Variants in KCNJ10 observed in about 807,000 individuals in gnomAD.
KCNJ10 encodes the protein ATP-sensitive inward rectifier potassium channel 10.
Under a neutral mutation model 22.2 loss-of-function variants are expected in KCNJ10, and 9 were observed. The ratio of observed to expected loss-of-function variants is 0.40; its 90% CI spans 0.24 to 0.71. The LOEUF (loss-of-function observed/expected upper bound fraction) is 0.71. KCNJ10 is among the 30% of genes least tolerant of loss of function. The probability of loss-of-function intolerance (pLI) is 0.35; values close to 1 mark genes in which losing one functional copy is unlikely to be tolerated. For synonymous variants in KCNJ10, 184 were observed against 187.3 expected (o/e 0.98, Z 0.15); for missense variants, 337 against 482.7 (o/e 0.70, Z 2.83).
intron 1 of KCNJ10, among the ~76,000 whole-genome samples, chr1:160,066,307 A>AAGG (rs1649320692): frequency 6.6e-6 from 1 of 152,160 alleles, no homozygotes; most frequent in Non-Finnish European, 1.5e-5. Context: ...GGAATCAAGG[A>AAGG]AGGAAATGCA....
chr1:160,050,163 T>G (rs1648866716), intron 1 of KCNJ10, among the ~76,000 whole-genome samples: 2 of 152,146 alleles, frequency 1.3e-5, no homozygotes, highest in South Asian at 4.1e-4. Flanking sequence ...AAACTGGGTC[T>G]CACTCTGTCA....
Position 160,041,351 on chromosome 1 carries a change from G to A in KCNJ10, c.*42C>T, listed in dbSNP as rs1340947968. 6 of 1,585,732 alleles carry A rather than the reference G, an allele frequency of 3.8e-6. No individual in the cohort carries two copies. Among genetic ancestry groups the A allele is most frequent in the Admixed American group, 1.7e-5 (1 of 58,802 alleles). On this transcript the variant is annotated 3_prime_UTR_variant, in exon 2 of 2. Coordinates refer to ENST00000644903, the MANE Select transcript of KCNJ10 (RefSeq NM_002241.5). The surrounding 1 kb of genome is among the most constrained non-coding windows in gnomAD (Gnocchi z 4.4). ...TATTCCTTACCAGGGCATTGGAAGA[G>A]AGGAAAAGAGACCAGAGGAATGGGG...
chr1:160,059,133 G>C (rs920814223), intron 1 of KCNJ10, among the ~76,000 whole-genome samples: 1 of 152,158 alleles, frequency 6.6e-6, no homozygotes, highest in Non-Finnish European at 1.5e-5. Flanking sequence ...GACTTACATG[G>C]GTTAACTAAC....
At chr1:160,055,744 T>C (rs1649014179) in intron 1 of KCNJ10, among the ~76,000 whole-genome samples, 1 of 152,172 alleles carries the variant, frequency 6.6e-6, no homozygotes, top group Non-Finnish European at 1.5e-5. Context: ...ACCTCTGTGT[T>C]TACTTTGGAT....
chr1:160,049,920 A>G (rs1183639116), intron 1 of KCNJ10, among the ~76,000 whole-genome samples: 1 of 151,224 alleles, frequency 6.6e-6, no homozygotes, highest in African/African-American at 2.4e-5. Flanking sequence ...CTGGTCCAGC[A>G]CTTCTCACTC....
intron 1 of KCNJ10, among the ~76,000 whole-genome samples, chr1:160,060,225 TACTAGATACAGA>T (rs1557973435): frequency 6.6e-6 from 1 of 152,258 alleles, no homozygotes; most frequent in East Asian, 1.9e-4. Flanking sequence ...TGAGGACACT[TACTAGATACAGA>T]ACTAGATTCA....
At position 160,038,818 on chromosome 1, in the gene KCNJ10, G is replaced by A. The variant is rs748946171; in HGVS notation, c.*2575C>T. The A allele has an allele frequency of 6.6e-6, 1 of 152,158 alleles. No homozygotes were observed. Among genetic ancestry groups the A allele is most frequent in the Non-Finnish European group, 1.5e-5 (1 of 68,024 alleles). 9.4% of individuals were successfully genotyped at this position (152,158 alleles called of 1,614,324 possible). The stretch of plus-strand genomic sequence containing the variant: ...TTCATTGATTTCACTAGGTCCCTCA[G>A]CATCATTTCTTTCTCATCTTCTCAC... On this transcript the variant is annotated 3_prime_UTR_variant, in exon 2 of 2. Coordinates refer to ENST00000644903, the MANE Select transcript of KCNJ10 (RefSeq NM_002241.5).
At chr1:160,059,814 G>C (rs1649145363) in intron 1 of KCNJ10, among the ~76,000 whole-genome samples, 1 of 152,178 alleles carries the variant, frequency 6.6e-6, no homozygotes, top group South Asian at 2.1e-4. Context: ...GGTGACTAAA[G>C]GGGGACTTTT....
chr1:160,065,670 A>G (rs945237540), intron 1 of KCNJ10, among the ~76,000 whole-genome samples: 1 of 152,176 alleles, frequency 6.6e-6, no homozygotes, highest in African/African-American at 2.4e-5. Context: ...CCCCAGGATC[A>G]GGGTCTGAAG....
intron 1 of KCNJ10, among the ~76,000 whole-genome samples, chr1:160,057,547 G>T (rs1411830292): frequency 2.0e-5 from 3 of 152,202 alleles, no homozygotes; most frequent in Admixed American, 2.0e-4. Context: ...GCTGAGTAGA[G>T]CCAAGTTCCT....
chr1:160,047,159 C>T (rs907448529), intron 1 of KCNJ10, among the ~76,000 whole-genome samples: 11 of 152,212 alleles, frequency 7.2e-5, no homozygotes, highest in Admixed American at 3.3e-4. Flanking sequence ...ATTTGTTCTA[C>T]TTGAGAGTCA....
chr1:160,040,551 T>C lies in KCNJ10; in HGVS notation c.*842A>G. 2.5e-6 allele frequency: 1 copy of C among 398,690 alleles called. No individual in the cohort carries two copies. Among genetic ancestry groups the C allele is most frequent in the Non-Finnish European group, 4.4e-6 (1 of 226,136 alleles). 24.7% of individuals were successfully genotyped at this position (398,690 alleles called of 1,614,324 possible). A position where few individuals can be genotyped will look rare whatever the true frequency, so the allele number is the denominator to read the frequency against. On this transcript the variant is annotated 3_prime_UTR_variant, in exon 2 of 2. Transcript: ENST00000644903. ...ACTCTTTTCAAAGGAACATATTGGCTTGGGTCCTTCCATTCACAGGACACA... is the reference window on the plus strand; with the variant it reads ...ACTCTTTTCAAAGGAACATATTGGCCTGGGTCCTTCCATTCACAGGACACA...
In KCNJ10 at chr1:160,042,162, T is replaced by TA; in HGVS notation, c.370_371insT (p.Glu124ValfsTer15). ...GCCATAGCCAATGGTGGTTTGGGAT[T>TA]CAAGGGAGAAGAGGAAGGCTCCAGT... On this transcript the variant is annotated frameshift_variant, in exon 2 of 2. Transcript: ENST00000644903. LOFTEE classifies it high-confidence loss of function. The TA allele has an allele frequency of 6.3e-7, 1 of 1,591,532 alleles. No homozygotes were observed. Among genetic ancestry groups the TA allele is most frequent in the Non-Finnish European group, 8.6e-7 (1 of 1,166,434 alleles).
intron 1 of KCNJ10, among the ~76,000 whole-genome samples, chr1:160,067,246 T>C (rs1649342521): frequency 6.6e-6 from 1 of 152,150 alleles, no homozygotes; most frequent in Non-Finnish European, 1.5e-5. Context: ...ACAATCCCTT[T>C]CTCTTTGCCC....
chr1:160,043,272 AACACAC>A (rs779402094), intron 1 of KCNJ10, among the ~76,000 whole-genome samples: 9 of 132,644 alleles, frequency 6.8e-5, no homozygotes, highest in Admixed American at 1.5e-4. Context: ...TCCCCCTTAA[AACACAC>A]ACACACACAC....
chr1:160,068,327 G>A (rs903551343), intron 1 of KCNJ10, among the ~76,000 whole-genome samples: 4 of 151,570 alleles, frequency 2.6e-5, no homozygotes, highest in South Asian at 2.1e-4. Context: ...TTTGATATCC[G>A]CTGAGACAAC....
At chr1:160,057,979 G>A (rs1649082596) in intron 1 of KCNJ10, among the ~76,000 whole-genome samples, 1 of 152,080 alleles carries the variant, frequency 6.6e-6, no homozygotes, top group Admixed American at 6.5e-5. Context: ...CACCCCCAGG[G>A]CCAACTCCTG....
chr1:160,049,134 C>T (rs897449556), intron 1 of KCNJ10, among the ~76,000 whole-genome samples: 23 of 152,216 alleles, frequency 1.5e-4, no homozygotes, highest in South Asian at 2.1e-4. Context: ...AGATTCATGC[C>T]CAGGTCCCGT....
In KCNJ10 at chr1:160,040,661, G is replaced by A. The variant is rs1648579583; in HGVS notation, c.*732C>T. 1.8e-5 allele frequency: 7 copies of A among 399,046 alleles called. No homozygotes were observed. Among genetic ancestry groups the A allele is most frequent in the Non-Finnish European group, 3.1e-5 (7 of 226,574 alleles). 24.7% of individuals were successfully genotyped at this position (399,046 alleles called of 1,614,324 possible). A position where few individuals can be genotyped will look rare whatever the true frequency, so the allele number is the denominator to read the frequency against. On this transcript the variant is annotated 3_prime_UTR_variant, in exon 2 of 2. Transcript: ENST00000644903. ...TGTGTTAGTCACTCCAAATTGAAGA[G>A]TTCAGAATCCAGGATAGATATGGGT...
Sources: gnomAD v4.1 joint callset for allele counts (sites outside exome capture counted in the v4.1 genomes callset) on GRCh38, gnomAD v4.1.1 for gene constraint, Gnocchi (gnomAD v3.1) non-coding constraint, MANE v1.5 for transcripts, NCBI Gene and HGNC (gene_info 2026-07-23, HGNC 2026-07-21) for gene names.